Variants in PAQR6 observed in about 807,000 individuals in gnomAD.
The protein encoded by PAQR6 is membrane progestin receptor delta.
A neutral mutation model predicts 36.2 loss-of-function variants in PAQR6; 34 were observed. That is an observed-to-expected ratio of 0.94 (90% CI 0.71 to 1.25). The LOEUF is 1.25. Among genes scored for constraint, PAQR6 ranks in the 50% most tolerant of loss-of-function variants. The pLI is 0.00. For synonymous variants in PAQR6, 190 were observed against 190.7 expected, an observed-to-expected ratio of 1.00 and a Z score of 0.03; for missense variants, 431 against 445.7, an observed-to-expected ratio of 0.97 and a Z score of 0.30.
At chr1:156,246,035 C>T in intron 3 of PAQR6, 48 bp from the exon 4 acceptor site, 1 of 1,591,920 alleles carries the variant, frequency 6.3e-7, no homozygotes, top group Non-Finnish European at 8.5e-7. Context: ...GCGACTGCCG[C>T]TGCAGCCCGT....
In PAQR6 at chr1:156,247,963, C is replaced by T; in HGVS notation, c.-32G>A. On this transcript the variant is annotated 5_prime_UTR_variant, in exon 1 of 8. Transcript: ENST00000292291. ...AGAAGGTGAGCTTCCTTACCCAGAG[C>T]TTGGTGGGTGCTCCTAAGCTGGTGG... 2.2e-6 allele frequency: 1 copy of T among 461,688 alleles called. No homozygotes were observed. Among genetic ancestry groups the T allele is most frequent in the Non-Finnish European group, 4.5e-6 (1 of 222,304 alleles). The allele number at this position is 461,688 out of a possible 1,614,324, so 28.6% of individuals were successfully genotyped here. A position where few individuals can be genotyped will look rare whatever the true frequency, so the allele number is the denominator to read the frequency against.
rs984994756 is a variant in PAQR6 at position 156,245,121 on chromosome 1, A to T, written c.609+21T>A. On this transcript the variant is annotated intron_variant, in intron 6 of 7. Coordinates refer to ENST00000292291, the MANE Select transcript of PAQR6 (RefSeq NM_198406.3). The stretch of plus-strand genomic sequence containing the variant: ...AGGACAGGAAAGCAGGAGTCTGGGC[A>T]GGGGCCCTAGGCCTCCTTACCCGAT... 1.9e-6 allele frequency: 3 copies of T among 1,608,922 alleles called. No homozygotes were observed. In the Admixed American group the frequency reaches 5.0e-5, roughly 27 times the overall value.
Position 156,245,594 on chromosome 1 carries a change from G to T in PAQR6, c.453C>A (p.Phe151Leu), listed in dbSNP as rs144076256. The T allele has an allele frequency of 1.7e-5, 28 of 1,613,028 alleles. No individual in the cohort carries two copies. The highest frequency in any genetic ancestry group is 2.2e-5 in the Non-Finnish European group (26 of 1,180,038). The change falls in exon 5 of 8, where the codon TTC becomes TTA. Residue 151 changes from phenylalanine to leucine, a missense_variant. By Grantham distance (22) the Phe-to-Leu change is conservative. Transcript: ENST00000292291. Reference protein sequence around the residue: ...ASWLHGHLHQFFVPAAALNSF... With the variant: ...ASWLHGHLHQLFVPAAALNSF... ...AGTTGAGTGCGGCGGCAGGCACAAA[G>T]AACTGGTGCAGGTGGCCGTGCAGCC...
chr1:156,244,241 C>T lies in PAQR6; in HGVS notation c.923G>A (p.Gly308Glu), dbSNP rs1238409997. Residue 308 changes from glycine (G) to glutamate (E), a missense_variant, in exon 8 of 8, where the codon GGG becomes GAG. Physicochemically the swap from Gly to Glu is moderately conservative, Grantham distance 98. Coordinates refer to ENST00000292291, the MANE Select transcript of PAQR6 (RefSeq NM_198406.3). ...TVATLVLAAAGNLLIIAAFTA... is the reference protein window; with the variant it reads ...TVATLVLAAAENLLIIAAFTA... The stretch of plus-strand genomic sequence containing the variant: ...GAAAGCAGCAATAATGAGTAGGTTC[C>T]CAGCTGCAGCCAAGACCAGTGTGGC... 2 of 1,613,660 alleles carry T rather than the reference C, an allele frequency of 1.2e-6. No individual in the cohort carries two copies. The highest frequency in any genetic ancestry group is 1.3e-5 in the African/African-American group (1 of 74,944).
rs1277503041 is a variant in PAQR6 at position 156,244,186 on chromosome 1, T to G, written c.978A>C (p.Thr326=). ...FTATLLRAPS[T]CPLLQGGPLE... ...GTGGGCCACCCTGCAGCAGAGGGCATGTACTGGGGGCCCGAAGCAGGGTGG... is the reference window on the plus strand; with the variant it reads ...GTGGGCCACCCTGCAGCAGAGGGCAGGTACTGGGGGCCCGAAGCAGGGTGG... The change falls in exon 8 of 8, where the codon ACA becomes ACC. Residue 326 remains threonine, a synonymous_variant. Coordinates refer to ENST00000292291, the MANE Select transcript of PAQR6 (RefSeq NM_198406.3). The G allele has an allele frequency of 6.2e-7, 1 of 1,611,970 alleles. No individual in the cohort carries two copies. The highest frequency in any genetic ancestry group is 8.5e-7 in the Non-Finnish European group (1 of 1,178,444).
chr1:156,244,955 C>CAAAA (rs1558212602), intron 6 of PAQR6, 44 bp from the exon 7 acceptor site: 4 of 1,600,270 alleles, frequency 2.5e-6, no homozygotes, highest in Non-Finnish European at 3.4e-6. Context: ...ACTCGGGAGC[C>CAAAA]GAAACATGGG....
Position 156,245,897 on chromosome 1 carries a change from G to A in PAQR6, c.270C>T (p.Pro90=), listed in dbSNP as rs1461166517. The part of the protein sequence containing the change: ...YHWPLLVFLL[P]ACLYPFASCC... The stretch of plus-strand genomic sequence containing the variant: ...ACGACGCGAAGGGGTAGAGGCAGGC[G>A]GGCAGCAGGAAGACCAGCAGCGGCC... Residue 90 remains proline (P), a synonymous_variant, in exon 4 of 8, where the codon CCC becomes CCT. Coordinates refer to ENST00000292291, the MANE Select transcript of PAQR6 (RefSeq NM_198406.3). The A allele has an allele frequency of 3.2e-6, 5 of 1,585,184 alleles. No homozygotes were observed. Among genetic ancestry groups the A allele is most frequent in the East Asian group, 2.3e-5 (1 of 43,714 alleles).
At chr1:156,246,080 C>T in intron 3 of PAQR6, 43 bp downstream of exon 3, 4 of 1,606,194 alleles carry the variant, frequency 2.5e-6, no homozygotes, top group East Asian at 4.5e-5. Flanking sequence ...TGGGTACCCC[C>T]TCTGAGCTCA....
At chr1:156,246,656 T>G in intron 2 of PAQR6, 25 bp downstream of exon 2, 1 of 1,611,690 alleles carries the variant, frequency 6.2e-7, no homozygotes, top group Non-Finnish European at 8.5e-7. Context: ...TGGGGGTTGG[T>G]GGGTCAGTGG....
chr1:156,247,762 G>A, intron 1 of PAQR6, 195 bp downstream of exon 1: 1 of 275,584 alleles, frequency 3.6e-6, no homozygotes, highest in South Asian at 3.6e-5. Flanking sequence ...CCTGAGTGCT[G>A]CCCATCTATC....
Position 156,243,459 on chromosome 1 carries a change from A to C in PAQR6, c.*670T>G. 1 of 484,522 alleles carries C rather than the reference A, an allele frequency of 2.1e-6. No homozygotes were observed. The highest frequency in any genetic ancestry group is 3.6e-6 in the Non-Finnish European group (1 of 278,352). The allele number at this position is 484,522 out of a possible 1,614,324, so 30.0% of individuals were successfully genotyped here. A position where few individuals can be genotyped will look rare whatever the true frequency, so the allele number is the denominator to read the frequency against. On this transcript the variant is annotated 3_prime_UTR_variant, in exon 8 of 8. Transcript: ENST00000292291. ...TTTTTATTTGTACCTGCCTTGTTCCAGAAAACGTTGAAGGTGGCTTCCCAA... is the reference window on the plus strand; with the variant it reads ...TTTTTATTTGTACCTGCCTTGTTCCCGAAAACGTTGAAGGTGGCTTCCCAA...
At chr1:156,245,409 G>T (rs1660236825) in intron 5 of PAQR6, 126 bp downstream of exon 5, 3 of 1,459,732 alleles carry the variant, frequency 2.1e-6, no homozygotes, top group African/African-American at 2.8e-5. Context: ...TGGGGATAAA[G>T]GGTCTGACAG....
Position 156,245,814 on chromosome 1 carries a change from AG to A in PAQR6, c.352del (p.Leu118SerfsTer102). On this transcript the variant is annotated frameshift_variant, in exon 4 of 8. Coordinates refer to ENST00000292291, the MANE Select transcript of PAQR6 (RefSeq NM_198406.3). LOFTEE classifies it high-confidence loss of function. ...SPRMRHICYF[L>X]DYGALSLYSL... ...GTAGAGGCTGAGCGCGCCGTAGTCG[AG>A]GAAGTAGCAGATGTGGCGCATGCGG... 1 of 1,605,222 alleles carries A rather than the reference AG, an allele frequency of 6.2e-7. No homozygotes were observed. Among genetic ancestry groups the A allele is most frequent in the Non-Finnish European group, 8.5e-7 (1 of 1,176,406 alleles).
chr1:156,243,660 ATT>A lies in PAQR6; in HGVS notation c.*467_*468del. 3 of 660,678 alleles carry A rather than the reference ATT, an allele frequency of 4.5e-6. No homozygotes were observed. Among genetic ancestry groups the A allele is most frequent in the Non-Finnish European group, 7.6e-6 (3 of 396,378 alleles). 40.9% of individuals were successfully genotyped at this position (660,678 alleles called of 1,614,324 possible). A position where few individuals can be genotyped will look rare whatever the true frequency, so the allele number is the denominator to read the frequency against. ...GGCAAATAGCTGCTGGCAAACTGGC[ATT>A]ACCTGGTTTGTGGGGATGGGGGGGC... On this transcript the variant is annotated 3_prime_UTR_variant, in exon 8 of 8. Coordinates refer to ENST00000292291, the MANE Select transcript of PAQR6 (RefSeq NM_198406.3).
In PAQR6 at chr1:156,244,019, T is replaced by C. The variant is rs1659765998; in HGVS notation, c.*110A>G. 6.2e-7 allele frequency: 1 copy of C among 1,614,072 alleles called. No individual in the cohort carries two copies. Among genetic ancestry groups the C allele is most frequent in the South Asian group, 1.1e-5 (1 of 91,090 alleles). On this transcript the variant is annotated 3_prime_UTR_variant, in exon 8 of 8. Transcript: ENST00000292291. ...CTGTGCCCTCTCTCCTCAGCCCCTG[T>C]TGGTTCCAGGCTGAGATGCGTCCCC...
Position 156,244,184 on chromosome 1 carries a change from C to T in PAQR6, c.980G>A (p.Cys327Tyr), listed in dbSNP as rs1659810212. The part of the protein sequence containing the change: ...TATLLRAPST[C>Y]PLLQGGPLEG... The stretch of plus-strand genomic sequence containing the variant: ...CAGTGGGCCACCCTGCAGCAGAGGG[C>T]ATGTACTGGGGGCCCGAAGCAGGGT... Residue 327 changes from cysteine (C) to tyrosine (Y), a missense_variant, in exon 8 of 8, where the codon TGC becomes TAC. Coordinates refer to ENST00000292291, the MANE Select transcript of PAQR6 (RefSeq NM_198406.3). 1.9e-6 allele frequency: 3 copies of T among 1,611,706 alleles called. No homozygotes were observed. Among genetic ancestry groups the T allele is most frequent in the African/African-American group, 2.7e-5 (2 of 74,914 alleles).
intron 5 of PAQR6, 83 bp downstream of exon 5, chr1:156,245,452 C>T: frequency 6.4e-7 from 1 of 1,570,144 alleles, no homozygotes; most frequent in Non-Finnish European, 8.7e-7. Context: ...CCGATGCCTC[C>T]AGTGCTGTTC....
At chr1:156,246,636 C>A (rs751518234) in intron 2 of PAQR6, 45 bp downstream of exon 2, 54 of 1,598,510 alleles carry the variant, frequency 3.4e-5, no homozygotes, top group Non-Finnish European at 4.5e-5. Flanking sequence ...CTAGTCAGTC[C>A]TCTAGGGAAT....
chr1:156,247,617 G>C (rs896836313), intron 1 of PAQR6: 1 of 155,768 alleles, frequency 6.4e-6, no homozygotes, highest in Admixed American at 6.5e-5. Context: ...GCCCGAGATG[G>C]GTGCTGGAGA....
Sources: gnomAD v4.1 joint callset for allele counts on GRCh38, gnomAD v4.1.1 for gene constraint, MANE v1.5 for transcripts, NCBI Gene and HGNC (gene_info 2026-07-23, HGNC 2026-07-21) for gene names.